Variants in LMO2 observed in about 807,000 individuals in gnomAD.
LMO2 encodes rhombotin-2.
Under a neutral mutation model 23.2 loss-of-function variants are expected in LMO2, and 20 were observed. The observed-to-expected ratio is 0.86, with a 90% confidence interval of 0.61 to 1.25. The LOEUF (loss-of-function observed/expected upper bound fraction) is 1.25. Among genes scored for constraint, LMO2 ranks in the 50% most tolerant of loss-of-function variants. The probability of loss-of-function intolerance (pLI) is 0.00; values close to 1 mark genes in which losing one functional copy is unlikely to be tolerated. For missense variants in LMO2, 270 were observed against 315.3 expected, an observed-to-expected ratio of 0.86 and a Z score of 1.09; for synonymous variants, 123 against 130.2, an observed-to-expected ratio of 0.94 and a Z score of 0.38.
intron 1 of LMO2, among the ~76,000 whole-genome samples, chr11:33,889,691 C>T (rs1396083366): frequency 3.3e-5 from 5 of 152,200 alleles, no homozygotes; most frequent in Admixed American, 3.3e-4. Context: ...AACTCTTATA[C>T]GCTGTTGGTG....
intron 1 of LMO2, among the ~76,000 whole-genome samples, chr11:33,882,931 A>G (rs952127772): frequency 6.6e-6 from 1 of 152,174 alleles, no homozygotes; most frequent in African/African-American, 2.4e-5. Flanking sequence ...TTTGCATGTT[A>G]GGAATACATA....
At position 33,869,465 on chromosome 11, in the gene LMO2, C is replaced by T. The variant is rs992766012; in HGVS notation, c.129G>A (p.Gly43=). The change falls in exon 4 of 6, where the codon GGG becomes GGA. Residue 43 remains glycine, a synonymous_variant. Transcript: ENST00000257818. ...GGGGGARAPE[G]VRAPAAGQPR... is the part of the protein sequence containing the mutation. ...GCTGGCCGGCTGCCGGGGCTCGGAC[C>T]CCCTCGGGTGCTCGGGCGCCGCCGC... 1.2e-5 allele frequency: 14 copies of T among 1,209,068 alleles called. No individual in the cohort carries two copies. The highest frequency in any genetic ancestry group is 1.3e-5 in the Non-Finnish European group (13 of 969,710). 74.9% of individuals were successfully genotyped at this position (1,209,068 alleles called of 1,614,324 possible).
chr11:33,870,073 T>A, intron 2 of LMO2, 86 bp from the exon 3 acceptor site: 8 of 227,950 alleles, frequency 3.5e-5, no homozygotes, highest in South Asian at 2.1e-4. Context: ...TTTCTTCCTT[T>A]TTTTTTTTTT....
chr11:33,862,947 G>GCT (rs1590629721), intron 5 of LMO2, among the ~76,000 whole-genome samples: 2 of 149,994 alleles, frequency 1.3e-5, no homozygotes, highest in African/African-American at 4.9e-5. Flanking sequence ...CTCCCAGACT[G>GCT]TTTTTTTTTT....
rs753517540 is a variant in LMO2, at chr11:33,864,706, G to A, written c.360C>T (p.His120=). ...AGAGGTCGCAGCTCAGGCAGTCCTCGTGCCAGTACTGGTCGATGGCCTTCA... is the reference window on the plus strand; with the variant it reads ...AGAGGTCGCAGCTCAGGCAGTCCTCATGCCAGTACTGGTCGATGGCCTTCA... ...YFLKAIDQYW[H]EDCLSCDLCG... Residue 120 remains histidine, a synonymous_variant, in exon 5 of 6, where the codon CAC becomes CAT. Transcript: ENST00000257818. The surrounding 1 kb of genome is among the most constrained non-coding windows in gnomAD (Gnocchi z 4.8). 1.7e-5 allele frequency: 27 copies of A among 1,613,954 alleles called. No homozygotes were observed. The highest frequency in any genetic ancestry group is 2.2e-5 in the Non-Finnish European group (26 of 1,180,056).
intron 2 of LMO2, among the ~76,000 whole-genome samples, chr11:33,878,410 C>A (rs3758638): frequency 0.31 from 46,367 of 152,022 alleles, 7,944 homozygotes; most frequent in African/African-American, 0.46. Flanking sequence ...GATAAATAAA[C>A]CTGGCTTCAA....
chr11:33,883,452 G>A (rs1358486838), intron 1 of LMO2, among the ~76,000 whole-genome samples: 1 of 152,192 alleles, frequency 6.6e-6, no homozygotes, highest in African/African-American at 2.4e-5. Context: ...GGAGAGCCAG[G>A]TAAAATGCAA....
intron 1 of LMO2, among the ~76,000 whole-genome samples, chr11:33,882,827 AG>A (rs1857318035): frequency 6.6e-6 from 1 of 152,216 alleles, no homozygotes; most frequent in South Asian, 2.1e-4. Context: ...AGGGTCATAC[AG>A]CTGCATAAAT....
chr11:33,868,799 C>T (rs1263022134), intron 4 of LMO2, among the ~76,000 whole-genome samples: 1 of 152,200 alleles, frequency 6.6e-6, no homozygotes, highest in Non-Finnish European at 1.5e-5. Flanking sequence ...CCCTGGAGGC[C>T]CAGAGCCAGC....
intron 5 of LMO2, among the ~76,000 whole-genome samples, chr11:33,863,629 G>C (rs747658854): frequency 2.6e-5 from 4 of 152,086 alleles, no homozygotes; most frequent in Non-Finnish European, 4.4e-5. Context: ...AGGGCACAGA[G>C]ACAGTTACCT....
chr11:33,860,219 A>G (rs902169518), intron 5 of LMO2, among the ~76,000 whole-genome samples: 2 of 152,174 alleles, frequency 1.3e-5, no homozygotes, highest in Non-Finnish European at 2.9e-5. Flanking sequence ...GAGGACCAAC[A>G]GCATCTCTCC....
chr11:33,874,907 C>T (rs1012914717), intron 2 of LMO2, among the ~76,000 whole-genome samples: 5 of 152,206 alleles, frequency 3.3e-5, no homozygotes, highest in East Asian at 1.9e-4. Flanking sequence ...CTGAAGGAGC[C>T]GCCCCCAAAT....
At chr11:33,873,881 A>G (rs1857079381) in intron 2 of LMO2, among the ~76,000 whole-genome samples, 1 of 152,200 alleles carries the variant, frequency 6.6e-6, no homozygotes, top group African/African-American at 2.4e-5. Flanking sequence ...GTTTCAAGTG[A>G]CTAAGGTTAC....
intron 1 of LMO2, among the ~76,000 whole-genome samples, chr11:33,885,809 C>T (rs1337520780): frequency 6.6e-6 from 1 of 151,652 alleles, no homozygotes; most frequent in East Asian, 1.9e-4. Context: ...GGGCAGCCTC[C>T]AGGATGCAGT....
intron 5 of LMO2, among the ~76,000 whole-genome samples, chr11:33,860,211 G>A (rs756886546): frequency 2.6e-5 from 4 of 152,158 alleles, no homozygotes; most frequent in Non-Finnish European, 5.9e-5. Flanking sequence ...GAGATATGGA[G>A]GACCAACAGC....
At chr11:33,865,341 A>G (rs1856744651) in intron 4 of LMO2, among the ~76,000 whole-genome samples, 1 of 152,192 alleles carries the variant, frequency 6.6e-6, no homozygotes, top group Admixed American at 6.5e-5. Flanking sequence ...GCCCTAACCA[A>G]CTGCACAAAA....
chr11:33,889,377 C>G (rs1857489834), intron 1 of LMO2, among the ~76,000 whole-genome samples: 1 of 152,174 alleles, frequency 6.6e-6, no homozygotes, highest in African/African-American at 2.4e-5. Context: ...GCCAGACTCT[C>G]CAGGCCAGAT....
intron 1 of LMO2, among the ~76,000 whole-genome samples, chr11:33,890,398 C>CTGGAT (rs1401188151): frequency 6.6e-6 from 1 of 152,182 alleles, no homozygotes; most frequent in Non-Finnish European, 1.5e-5. Flanking sequence ...GTCACCCAGG[C>CTGGAT]TGGAGTGCAA....
At position 33,887,015 on chromosome 11, in the gene LMO2, T is replaced by C. The variant is rs142642711; in HGVS notation, c.-336+4780A>G. On this transcript the variant is annotated intron_variant, in intron 1 of 5. Coordinates refer to ENST00000257818, the MANE Select transcript of LMO2 (RefSeq NM_005574.4). ...ACACCGATGCCTTGTGAATTGTGGA[T>C]AGATTGAAAAAAGATATAGGAATGA... Among the ~76,000 whole-genome samples, 4 of 152,294 alleles carry C rather than the reference T, an allele frequency of 2.6e-5. No homozygotes were observed. In the East Asian group the frequency reaches 7.7e-4, roughly 29 times the overall value.
Sources: allele counts gnomAD v4.1 joint callset (sites outside exome capture counted in the v4.1 genomes callset), GRCh38; gene constraint gnomAD v4.1.1; non-coding constraint Gnocchi (gnomAD v3.1); transcripts MANE v1.5; gene names NCBI Gene and HGNC (gene_info 2026-07-23, HGNC 2026-07-21).